ARK2C: variants seen among roughly 807,000 people sequenced by gnomAD.
The protein encoded by ARK2C is E3 ubiquitin-protein ligase ARK2C.
the ARK2C span, chr18:46,336,143 T>C: frequency 1.0e-6 from 1 of 985,406 alleles, no homozygotes; most frequent in Non-Finnish European, 1.2e-6. Flanking sequence ...TTATCTCTTA[T>C]TACTTGGCAT....
the ARK2C span, among the ~76,000 whole-genome samples, chr18:46,450,002 G>T: frequency 6.6e-6 from 1 of 152,164 alleles, no homozygotes; most frequent in African/African-American, 2.4e-5. Flanking sequence ...GAGAGTAATA[G>T]CACCCACATT....
the ARK2C span, among the ~76,000 whole-genome samples, chr18:46,365,874 G>A: frequency 6.6e-6 from 1 of 152,152 alleles, no homozygotes; most frequent in African/African-American, 2.4e-5. Flanking sequence ...AGGAATGACT[G>A]AGGAATGACT....
the ARK2C span, among the ~76,000 whole-genome samples, chr18:46,401,127 G>A: frequency 6.6e-6 from 1 of 152,048 alleles, no homozygotes; most frequent in East Asian, 1.9e-4. Context: ...AGGAGGTGAG[G>A]GCACAGGAAG....
At chr18:46,383,291 A>C in the ARK2C span, among the ~76,000 whole-genome samples, 1 of 152,250 alleles carries the variant, frequency 6.6e-6, no homozygotes, top group East Asian at 1.9e-4. Flanking sequence ...TGAAAAATAC[A>C]ATTTTTCTAC....
the ARK2C span, among the ~76,000 whole-genome samples, chr18:46,340,448 C>T: frequency 3.3e-5 from 5 of 151,522 alleles, no homozygotes; most frequent in Non-Finnish European, 4.4e-5. Flanking sequence ...CCAAACACTG[C>T]GCTAAGGGGG....
At chr18:46,414,489 G>A in the ARK2C span, among the ~76,000 whole-genome samples, 1 of 152,118 alleles carries the variant, frequency 6.6e-6, no homozygotes, top group Non-Finnish European at 1.5e-5. Flanking sequence ...CACATCACAG[G>A]TGCCACAACA....
the ARK2C span, among the ~76,000 whole-genome samples, chr18:46,383,337 G>A: frequency 2.6e-5 from 4 of 152,142 alleles, no homozygotes; most frequent in East Asian, 1.9e-4. Flanking sequence ...GCTAATGAGG[G>A]AACCAGCAGG....
chr18:46,368,625 T>C, the ARK2C span, among the ~76,000 whole-genome samples: 2 of 152,234 alleles, frequency 1.3e-5, no homozygotes, highest in African/African-American at 4.8e-5. Context: ...GAGTCGAGTC[T>C]TAATCAGTTG....
chr18:46,363,877 C>G, the ARK2C span, among the ~76,000 whole-genome samples: 1 of 151,672 alleles, frequency 6.6e-6, no homozygotes, highest in Non-Finnish European at 1.5e-5. Context: ...TTCAGTGGGT[C>G]TGAGGCCCTG....
the ARK2C span, among the ~76,000 whole-genome samples, chr18:46,377,366 A>G: frequency 1.3e-5 from 2 of 152,182 alleles, no homozygotes; most frequent in South Asian, 4.1e-4. Context: ...CTAGACACAC[A>G]ATGATGTGTG....
chr18:46,362,288 G>C, the ARK2C span, among the ~76,000 whole-genome samples: 1 of 152,218 alleles, frequency 6.6e-6, no homozygotes, highest in African/African-American at 2.4e-5. Flanking sequence ...AAGAAAGCTG[G>C]TTTCTAACTG....
chr18:46,402,639 C>T, the ARK2C span, among the ~76,000 whole-genome samples: 17 of 152,150 alleles, frequency 1.1e-4, no homozygotes, highest in African/African-American at 3.9e-4. Context: ...GTTGCTGGGA[C>T]CACAGGCATG....
the ARK2C span, among the ~76,000 whole-genome samples, chr18:46,383,718 C>T: frequency 7.9e-5 from 12 of 152,222 alleles, no homozygotes; most frequent in African/African-American, 2.9e-4. Context: ...CCGCGCCCGG[C>T]TAATTTTTTG....
At chr18:46,383,506 TTCTCCATTGGACAA>T in the ARK2C span, among the ~76,000 whole-genome samples, 1 of 151,934 alleles carries the variant, frequency 6.6e-6, no homozygotes, top group Admixed American at 6.6e-5. Context: ...TGGTATTATA[TTCTCCATTGGACAA>T]AAATCCTTGG....
At chr18:46,425,334 G>A in the ARK2C span, among the ~76,000 whole-genome samples, 1 of 152,334 alleles carries the variant, frequency 6.6e-6, no homozygotes, top group South Asian at 2.1e-4. Flanking sequence ...CAGGGACCCT[G>A]GGCAGACCTG....
chr18:46,334,670 CCGTGTG>C, the ARK2C span: 718 of 292,972 alleles, frequency 2.5e-3, 6 homozygotes, highest in African/African-American at 0.021. The surrounding 1 kb of genome is among the most constrained non-coding windows in gnomAD (Gnocchi z 4.4). Context: ...AGATACATGA[CCGTGTG>C]TGTGTGTGTG....
At chr18:46,436,223 T>C in the ARK2C span, among the ~76,000 whole-genome samples, 1 of 152,146 alleles carries the variant, frequency 6.6e-6, no homozygotes, top group South Asian at 2.1e-4. Context: ...AAAAAATCTA[T>C]CTATCTAATC....
chr18:46,374,608 G>A, the ARK2C span, among the ~76,000 whole-genome samples: 1 of 122,804 alleles, frequency 8.1e-6, no homozygotes, highest in Non-Finnish European at 1.7e-5. Flanking sequence ...TCCCCAGCCA[G>A]GTGGCTTTAT....
chr18:46,381,589 G>T, the ARK2C span, among the ~76,000 whole-genome samples: 1 of 152,036 alleles, frequency 6.6e-6, no homozygotes, highest in African/African-American at 2.4e-5. Context: ...CCAACAGTTT[G>T]GGAGGCTGAG....
Sources: gnomAD v4.1 joint callset for allele counts (sites outside exome capture counted in the v4.1 genomes callset) on GRCh38, gnomAD v4.1.1 for gene constraint, Gnocchi (gnomAD v3.1) non-coding constraint, MANE v1.5 for transcripts, NCBI Gene and HGNC (gene_info 2026-07-23, HGNC 2026-07-21) for gene names.